The following PLAAT3 variants were observed in gnomAD, a reference collection of about 807,000 sequenced individuals.
The protein encoded by PLAAT3 is Ca-independent phospholipase A1/2.
Under a neutral mutation model 16.7 loss-of-function variants are expected in PLAAT3, and 21 were observed. That is an observed-to-expected ratio of 1.26 (90% CI 0.89 to 1.81). The LOEUF (loss-of-function observed/expected upper bound fraction) is 1.81, where lower values mean the gene tolerates loss of function less well. Ranked by LOEUF, PLAAT3 falls within the 40% of genes most tolerant of loss-of-function variation. The pLI is 0.00. For missense variants in PLAAT3, 219 were observed against 213.7 expected, an observed-to-expected ratio of 1.02 and a Z score of -0.16; for synonymous variants, 76 against 81.7, an observed-to-expected ratio of 0.93 and a Z score of 0.38.
intron 3 of PLAAT3, among the ~76,000 whole-genome samples, chr11:63,597,721 A>T (rs1046035409): frequency 2.6e-5 from 4 of 152,132 alleles, no homozygotes; most frequent in African/African-American, 9.7e-5. Context: ...CTCAGGCGGT[A>T]ATACAAGCGA....
At chr11:63,615,028 G>GTA (rs1565259459), upstream of PLAAT3, among the ~76,000 whole-genome samples, 26 of 32,468 alleles carry the variant, frequency 8.0e-4, 2 homozygotes, top group African/African-American at 1.9e-3. Context: ...ATATATATAT[G>GTA]TGTGTATATA....
chr11:63,615,677 T>G (rs1024676751), upstream of PLAAT3, among the ~76,000 whole-genome samples: 10 of 137,590 alleles, frequency 7.3e-5, no homozygotes, highest in East Asian at 6.0e-4. Context: ...GGGTTTTTTG[T>G]TTTTTTTTTT....
chr11:63,592,901 C>A (rs1938188477), intron 3 of PLAAT3, among the ~76,000 whole-genome samples: 1 of 152,210 alleles, frequency 6.6e-6, no homozygotes, highest in Non-Finnish European at 1.5e-5. Context: ...GTCCTCCTTG[C>A]CTCATCTATC....
At chr11:63,581,101 T>A (rs969128582) in intron 4 of PLAAT3, among the ~76,000 whole-genome samples, 2 of 152,246 alleles carry the variant, frequency 1.3e-5, no homozygotes, top group Non-Finnish European at 2.9e-5. Context: ...AAGCTGAGAA[T>A]GTACGTCACC....
At chr11:63,616,049 A>G (rs1938865402), upstream of PLAAT3, among the ~76,000 whole-genome samples, 1 of 152,180 alleles carries the variant, frequency 6.6e-6, no homozygotes, top group African/African-American at 2.4e-5. Flanking sequence ...ACATTGTGGA[A>G]TAACTAAATC....
At chr11:63,599,567 G>A (rs1367273613) in intron 2 of PLAAT3, among the ~76,000 whole-genome samples, 3 of 152,152 alleles carry the variant, frequency 2.0e-5, no homozygotes, top group Admixed American at 1.3e-4. Flanking sequence ...TAGCATGTGT[G>A]GCAGGGAATT....
At chr11:63,597,189 C>A (rs894370195) in intron 3 of PLAAT3, among the ~76,000 whole-genome samples, 1 of 152,038 alleles carries the variant, frequency 6.6e-6, no homozygotes, top group African/African-American at 2.4e-5. Flanking sequence ...GGTAAGTTTC[C>A]TGAGGCGTCC....
At chr11:63,599,701 A>T (rs1015572058) in intron 2 of PLAAT3, among the ~76,000 whole-genome samples, 2 of 151,440 alleles carry the variant, frequency 1.3e-5, no homozygotes. Flanking sequence ...TATGAATCCC[A>T]TTGTTTTCCA....
chr11:63,580,348 AT>A (rs1354244265), intron 4 of PLAAT3, among the ~76,000 whole-genome samples: 2 of 152,230 alleles, frequency 1.3e-5, no homozygotes, highest in Non-Finnish European at 2.9e-5. Flanking sequence ...CTGCTAATCA[AT>A]TTACCTTAAA....
intron 4 of PLAAT3, among the ~76,000 whole-genome samples, chr11:63,584,081 T>C (rs1288836189): frequency 6.6e-6 from 1 of 152,176 alleles, no homozygotes; most frequent in Non-Finnish European, 1.5e-5. Flanking sequence ...AGTGATCAAG[T>C]ATACAAAAAA....
At chr11:63,602,857 C>T (rs1465469915) in intron 2 of PLAAT3, among the ~76,000 whole-genome samples, 1 of 152,118 alleles carries the variant, frequency 6.6e-6, no homozygotes, top group Non-Finnish European at 1.5e-5. Flanking sequence ...CTTTGGGAGG[C>T]CAAGGCAGGC....
chr11:63,615,072 ATATG>A (rs1459341067), upstream of PLAAT3, among the ~76,000 whole-genome samples: 7 of 109,898 alleles, frequency 6.4e-5, no homozygotes, highest in Non-Finnish European at 1.2e-4. Flanking sequence ...ATGTGTGTAT[ATATG>A]TGTGTATATA....
chr11:63,597,204 C>G (rs1367869967), intron 3 of PLAAT3, among the ~76,000 whole-genome samples: 1 of 152,034 alleles, frequency 6.6e-6, no homozygotes, highest in Non-Finnish European at 1.5e-5. Context: ...GCGTCCCCAG[C>G]CATGCAGAAC....
intron 4 of PLAAT3, among the ~76,000 whole-genome samples, chr11:63,580,289 T>C (rs1426270664): frequency 6.6e-6 from 1 of 152,208 alleles, no homozygotes; most frequent in African/African-American, 2.4e-5. Flanking sequence ...TCTATAAATA[T>C]ATCATGCTAC....
rs56081443 is a variant in PLAAT3, at chr11:63,596,237, CAAAAAAAAAAAA to C, written c.118+1812_118+1823del. Among the ~76,000 whole-genome samples, 87 of 40,728 alleles carry C rather than the reference CAAAAAAAAAAAA, an allele frequency of 2.1e-3. 1 individual carries two copies. The East Asian group carries it at 0.041, about 19-fold the overall frequency. 26.7% of individuals were successfully genotyped at this position (40,728 alleles called of 152,430 possible). A position where few individuals can be genotyped will look rare whatever the true frequency, so the allele number is the denominator to read the frequency against. ...CCTGGGCGACAGAGCGAGACTCTGT[CAAAAAAAAAAAA>C]AAAAAAAAAAAAAAAGAGTTGAGTG... On this transcript the variant is annotated intron_variant, in intron 3 of 4. Coordinates refer to ENST00000415826, the MANE Select transcript of PLAAT3 (RefSeq NM_001128203.2).
chr11:63,605,347 A>G (rs545306968), intron 2 of PLAAT3, among the ~76,000 whole-genome samples: 1 of 152,192 alleles, frequency 6.6e-6, no homozygotes, highest in East Asian at 2.0e-4. Flanking sequence ...GCAGTGAGCC[A>G]AGATCACGCC....
intron 3 of PLAAT3, among the ~76,000 whole-genome samples, chr11:63,597,670 A>G (rs867864499): frequency 6.6e-6 from 1 of 152,184 alleles, no homozygotes; most frequent in South Asian, 2.1e-4. Context: ...TCATGCTCCT[A>G]TGAGAATCTA....
chr11:63,584,962 C>A (rs1937930347), intron 4 of PLAAT3, among the ~76,000 whole-genome samples: 1 of 151,944 alleles, frequency 6.6e-6, no homozygotes, highest in Admixed American at 6.6e-5. Flanking sequence ...AAGAAAAATA[C>A]TGGTGGACAT....
chr11:63,598,344 C>G lies in PLAAT3; in HGVS notation c.16-181G>C, dbSNP rs548098641. Among the ~76,000 whole-genome samples, 4 of 152,366 alleles carry G rather than the reference C, an allele frequency of 2.6e-5. No homozygotes were observed. In the South Asian group the frequency reaches 8.3e-4, roughly 32 times the overall value. On this transcript the variant is annotated intron_variant, in intron 2 of 4. Transcript: ENST00000415826. ...TTCACAAGCTTGTGACCCAGACCTG[C>G]AGGCACCATGGGCCTGCCCTTCTGT...
Sources: allele counts gnomAD v4.1 joint callset (sites outside exome capture counted in the v4.1 genomes callset), GRCh38; gene constraint gnomAD v4.1.1; transcripts MANE v1.5; gene names NCBI Gene and HGNC (gene_info 2026-07-23, HGNC 2026-07-21).